The following CPED1 variants were observed in gnomAD, a reference collection of about 807,000 sequenced individuals.
CPED1 encodes the protein cadherin like and PC-esterase domain containing 1, also known as cadherin-like and PC-esterase domain-containing protein 1.
In CPED1, 114 loss-of-function variants were observed where a neutral mutation model predicts 128.2. The observed-to-expected ratio is 0.89, with a 90% CI of 0.76 to 1.04. The LOEUF is 1.04. Ranked by LOEUF, CPED1 falls within the 50% of genes least tolerant of loss-of-function variation. The pLI is 0.00. For synonymous variants in CPED1, 462 were observed against 426.7 expected (o/e 1.08, Z -1.02); for missense variants, 1,211 against 1,207.1 (o/e 1.00, Z -0.05).
At position 121,125,880 on chromosome 7, in the gene CPED1, T is replaced by G. The variant is rs1184485110; in HGVS notation, c.1122T>G (p.Pro374=). ...TTGGTTATGGCAGTTTCATGTACCC[T>G]GTAGTGCTCCAGGTCAGTATGCCAA... is the stretch of plus-strand genomic sequence containing the variant. ...FDIGYGSFMY[P]VVLQVHEHLN... is the part of the protein sequence containing the mutation. Residue 374 remains proline, a synonymous_variant, in exon 9 of 23, where the codon CCT becomes CCG. Transcript: ENST00000310396. 9.9e-6 allele frequency: 16 copies of G among 1,612,142 alleles called. No individual in the cohort carries two copies. The highest frequency in any genetic ancestry group is 1.4e-5 in the Non-Finnish European group (16 of 1,178,370).
chr7:121,257,644 C>T (rs1791916430), intron 18 of CPED1, among the ~76,000 whole-genome samples: 1 of 151,934 alleles, frequency 6.6e-6, no homozygotes, highest in Non-Finnish European at 1.5e-5. Flanking sequence ...TTTAAGAAAG[C>T]TTCACTTATG....
chr7:121,060,784 C>T (rs937167021), intron 4 of CPED1, among the ~76,000 whole-genome samples: 8 of 152,148 alleles, frequency 5.3e-5, no homozygotes, highest in Non-Finnish European at 7.3e-5. Context: ...AGTGGCAACC[C>T]GCTCCGGTCC....
intron 4 of CPED1, among the ~76,000 whole-genome samples, chr7:121,048,472 T>G (rs1793270490): frequency 4.6e-5 from 7 of 152,216 alleles, no homozygotes. Flanking sequence ...TTCCTTGGCA[T>G]TGACCTTCTA....
intron 5 of CPED1, among the ~76,000 whole-genome samples, chr7:121,094,184 C>A (rs187446957): frequency 2.0e-5 from 3 of 152,022 alleles, no homozygotes; most frequent in Non-Finnish European, 4.4e-5. Context: ...TTAAGTAAGG[C>A]CTTTATCTTT....
chr7:121,099,725 A>G (rs1794795094), intron 6 of CPED1, among the ~76,000 whole-genome samples: 1 of 152,088 alleles, frequency 6.6e-6, no homozygotes, highest in East Asian at 1.9e-4. Context: ...AACTATTACC[A>G]ATTTGACTCC....
At chr7:121,015,265 T>G (rs1792271049) in intron 2 of CPED1, among the ~76,000 whole-genome samples, 1 of 152,182 alleles carries the variant, frequency 6.6e-6, no homozygotes, top group African/African-American at 2.4e-5. Flanking sequence ...CCTCTCTGAG[T>G]GTTTTCTCTA....
rs1178886970 is a variant in CPED1 at position 121,146,289 on chromosome 7, T to C, written c.2055+4148T>C. 3.3e-5 allele frequency among the ~76,000 whole-genome samples: 5 copies of C among 152,172 alleles called. No homozygotes were observed. In the East Asian group the frequency reaches 9.7e-4, roughly 29 times the overall value. On this transcript the variant is annotated intron_variant, in intron 16 of 22. Transcript: ENST00000310396. Reference sequence around the variant, plus strand: ...CAAAGGGCAGCAAAAGGGTCTAAAGTAGTTACCTCCAGCACTTTTATAAGG... The same window carrying C: ...CAAAGGGCAGCAAAAGGGTCTAAAGCAGTTACCTCCAGCACTTTTATAAGG...
At chr7:121,293,759 G>C (rs1040960671) in intron 22 of CPED1, among the ~76,000 whole-genome samples, 3 of 151,996 alleles carry the variant, frequency 2.0e-5, no homozygotes, top group African/African-American at 7.2e-5. Flanking sequence ...GGCTAGGGGA[G>C]GGAGTTCCCT....
chr7:121,205,750 A>C (rs889587719), intron 16 of CPED1, among the ~76,000 whole-genome samples: 1 of 152,092 alleles, frequency 6.6e-6, no homozygotes, highest in Non-Finnish European at 1.5e-5. Flanking sequence ...TTTTGCAAGC[A>C]CAAGACACTG....
intron 22 of CPED1, among the ~76,000 whole-genome samples, chr7:121,274,144 A>C (rs901444741): frequency 2.0e-5 from 3 of 152,146 alleles, no homozygotes; most frequent in African/African-American, 7.2e-5. Context: ...ATGTCCTCGA[A>C]TAATTTCAAC....
intron 7 of CPED1, among the ~76,000 whole-genome samples, chr7:121,114,094 T>A (rs1355690175): frequency 1.3e-5 from 2 of 152,130 alleles, no homozygotes; most frequent in Non-Finnish European, 2.9e-5. Context: ...CCTCCCAAAG[T>A]GCTGGGATTA....
chr7:121,086,586 T>G (rs1794430207), intron 5 of CPED1, among the ~76,000 whole-genome samples: 1 of 152,156 alleles, frequency 6.6e-6, no homozygotes, highest in Admixed American at 6.5e-5. Context: ...AAATGTCAAC[T>G]CAGACTCCTG....
chr7:121,088,763 C>CAAAAAAAAGAAAAAAAAA (rs1794503119), intron 5 of CPED1, among the ~76,000 whole-genome samples: 1 of 53,794 alleles, frequency 1.9e-5, no homozygotes, highest in Non-Finnish European at 3.4e-5. Context: ...CAAAAATTGG[C>CAAAAAAAAGAAAAAAAAA]AAAAAAAAAA....
intron 16 of CPED1, among the ~76,000 whole-genome samples, chr7:121,156,719 G>A (rs185684819): frequency 6.7e-4 from 102 of 152,160 alleles, no homozygotes; most frequent in Non-Finnish European, 1.2e-3. Flanking sequence ...AAAGAATATA[G>A]CTATACTTAT....
At chr7:121,104,899 T>C (rs1794936235) in intron 7 of CPED1, among the ~76,000 whole-genome samples, 1 of 152,140 alleles carries the variant, frequency 6.6e-6, no homozygotes, top group African/African-American at 2.4e-5. Flanking sequence ...ATTATACAAA[T>C]GATCATTTGT....
intron 14 of CPED1, among the ~76,000 whole-genome samples, chr7:121,138,908 C>T (rs2116359763): frequency 6.6e-6 from 1 of 151,752 alleles, no homozygotes; most frequent in African/African-American, 2.4e-5. Flanking sequence ...TTAATAATAT[C>T]CTGTTTTTAT....
rs141327974 is a variant in CPED1, at chr7:121,076,001, C to T, written c.616+11688C>T. ...TGTATTTGTATGTGTTTGTCTCCCCCACAAGGACTGAGACGCCCTGAGGGT... is the reference window on the plus strand; with the variant it reads ...TGTATTTGTATGTGTTTGTCTCCCCTACAAGGACTGAGACGCCCTGAGGGT... On this transcript the variant is annotated intron_variant, in intron 5 of 22. Transcript: ENST00000310396. 5.3e-5 allele frequency among the ~76,000 whole-genome samples: 8 copies of T among 152,274 alleles called. 1 individual carries two copies. The highest frequency in any genetic ancestry group is 1.9e-4 in the African/African-American group (8 of 41,556).
chr7:121,224,987 T>C (rs888829689), intron 16 of CPED1, among the ~76,000 whole-genome samples: 1 of 152,060 alleles, frequency 6.6e-6, no homozygotes, highest in Non-Finnish European at 1.5e-5. Flanking sequence ...AAGGTTAATG[T>C]TGTTTTGTGT....
intron 5 of CPED1, among the ~76,000 whole-genome samples, chr7:121,078,184 A>G (rs376141836): frequency 6.6e-6 from 1 of 152,042 alleles, no homozygotes; most frequent in Non-Finnish European, 1.5e-5. Context: ...AGCTGGGACT[A>G]TAGGTGTGCA....
Sources: gnomAD v4.1 joint callset for allele counts (sites outside exome capture counted in the v4.1 genomes callset) on GRCh38, gnomAD v4.1.1 for gene constraint, MANE v1.5 for transcripts, NCBI Gene and HGNC (gene_info 2026-07-23, HGNC 2026-07-21) for gene names.